SI: variants seen among roughly 807,000 people sequenced by gnomAD.
SI encodes the protein sucrase-isomaltase, intestinal.
In SI, 235 loss-of-function variants were observed where a neutral mutation model predicts 253.3. That is an observed-to-expected ratio of 0.93 (90% CI 0.83 to 1.03). The LOEUF (loss-of-function observed/expected upper bound fraction) is 1.03, where lower values mean the gene tolerates loss of function less well. Among genes scored for constraint, SI ranks in the 50% least tolerant of loss-of-function variants. The pLI is 0.00. For synonymous variants in SI, 819 were observed against 712.0 expected, an observed-to-expected ratio of 1.15 and a Z score of -2.39; for missense variants, 2,442 against 2,211.1, an observed-to-expected ratio of 1.10 and a Z score of -2.09.
At chr3:165,026,381 A>G (rs1369264756) in intron 25 of SI, among the ~76,000 whole-genome samples, 2 of 151,476 alleles carry the variant, frequency 1.3e-5, no homozygotes, top group African/African-American at 4.8e-5. Flanking sequence ...ACACAGTAAT[A>G]GTGGAGGACT....
chr3:165,046,080 C>T (rs1204280696), intron 16 of SI, among the ~76,000 whole-genome samples: 1 of 151,954 alleles, frequency 6.6e-6, no homozygotes, highest in Non-Finnish European at 1.5e-5. Context: ...ATCCACCTAC[C>T]TCGGCTTCTC....
intron 16 of SI, 149 bp downstream of exon 16, chr3:165,046,689 ATTC>A: frequency 1.6e-6 from 1 of 627,790 alleles, no homozygotes; most frequent in Non-Finnish European, 2.7e-6. Context: ...TACCATCTGT[ATTC>A]TTATTTTCCT....
At chr3:164,982,660 A>G (rs1717248093) in intron 46 of SI, among the ~76,000 whole-genome samples, 1 of 152,022 alleles carries the variant, frequency 6.6e-6, no homozygotes, top group African/African-American at 2.4e-5. Flanking sequence ...GGATTCAGTC[A>G]CCAAATATGC....
At chr3:165,080,116 T>C (rs1715251476), upstream of SI, among the ~76,000 whole-genome samples, 1 of 152,006 alleles carries the variant, frequency 6.6e-6, no homozygotes, top group Admixed American at 6.6e-5. Flanking sequence ...AATAGCAAAC[T>C]ACTCAGCAAT....
intron 25 of SI, among the ~76,000 whole-genome samples, chr3:165,027,107 G>T (rs1662129237): frequency 6.6e-6 from 1 of 151,136 alleles, no homozygotes; most frequent in South Asian, 2.1e-4. Context: ...GTCCAAATAA[G>T]CTCAATTAGA....
chr3:165,035,525 AAAAT>A (rs1040092962), intron 22 of SI, among the ~76,000 whole-genome samples: 6 of 151,620 alleles, frequency 4.0e-5, no homozygotes, highest in African/African-American at 1.4e-4. Flanking sequence ...CACATTTTCA[AAAAT>A]AAATAAATAT....
Position 165,039,091 on chromosome 3 carries a change from T to C in SI, c.2288A>G (p.Tyr763Cys). The change falls in exon 20 of 48, where the codon TAT becomes TGT. Residue 763 changes from tyrosine to cysteine, a missense_variant. Tyr to Cys is a radical substitution (Grantham distance 194, BLOSUM62 -2). Transcript: ENST00000264382. ...VSAYIPDAIW[Y>C]DYESGAKRPW... is the part of the protein sequence containing the mutation. ...AAGGTTACTTACAGATTCATAATCATACCAAATAGCATCAGGGATGTAGGC... is the reference window on the plus strand; with the variant it reads ...AAGGTTACTTACAGATTCATAATCACACCAAATAGCATCAGGGATGTAGGC... 6.3e-7 allele frequency: 1 copy of C among 1,591,168 alleles called. No individual in the cohort carries two copies. Among genetic ancestry groups the C allele is most frequent in the Non-Finnish European group, 8.6e-7 (1 of 1,160,876 alleles).
At chr3:165,056,419 A>C (rs1713696970) in intron 12 of SI, among the ~76,000 whole-genome samples, 1 of 152,140 alleles carries the variant, frequency 6.6e-6, no homozygotes, top group South Asian at 2.1e-4. Flanking sequence ...CTACCCATAC[A>C]CAAAGAAAGT....
chr3:165,086,221 T>G, the SI span, among the ~76,000 whole-genome samples: 1 of 151,898 alleles, frequency 6.6e-6, no homozygotes, highest in Non-Finnish European at 1.5e-5. Context: ...GCCACTGCAC[T>G]CCAGCCTGGA....
the SI span, among the ~76,000 whole-genome samples, chr3:165,087,580 T>C: frequency 6.6e-6 from 1 of 152,120 alleles, no homozygotes; most frequent in African/African-American, 2.4e-5. Context: ...GCAACAGCAA[T>C]ATCCAAACCC....
chr3:165,024,259 G>T (rs1463600589), intron 25 of SI, among the ~76,000 whole-genome samples: 1 of 151,132 alleles, frequency 6.6e-6, no homozygotes, highest in African/African-American at 2.4e-5. Context: ...ATTACATCCT[G>T]ACCTGGATTT....
At chr3:164,998,873 A>T (rs757734190) in intron 37 of SI, among the ~76,000 whole-genome samples, 200 bp from the exon 38 acceptor site, 2 of 151,842 alleles carry the variant, frequency 1.3e-5, no homozygotes, top group Non-Finnish European at 2.9e-5. Flanking sequence ...TTTCCCTTCC[A>T]ACATTTACCA....
At chr3:165,030,183 T>C (rs1035212414) in intron 25 of SI, among the ~76,000 whole-genome samples, 2 of 150,862 alleles carry the variant, frequency 1.3e-5, no homozygotes, top group African/African-American at 4.9e-5. Context: ...GCAAGAGGAA[T>C]GTTTTACAAT....
At chr3:165,073,268 G>C (rs965957760) in intron 3 of SI, among the ~76,000 whole-genome samples, 7 of 134,160 alleles carry the variant, frequency 5.2e-5, no homozygotes, top group Non-Finnish European at 9.5e-5. Context: ...ACGGAGTCTC[G>C]CTCTGTCACC....
upstream of SI, among the ~76,000 whole-genome samples, chr3:165,082,312 G>T (rs1715363199): frequency 6.6e-6 from 1 of 151,788 alleles, no homozygotes; most frequent in African/African-American, 2.4e-5. Flanking sequence ...CTATTTATTT[G>T]CTGCTACTGG....
At chr3:165,073,735 T>C (rs1007271678) in intron 3 of SI, among the ~76,000 whole-genome samples, 5 of 152,020 alleles carry the variant, frequency 3.3e-5, no homozygotes, top group Admixed American at 3.3e-4. Flanking sequence ...AACATGGTAA[T>C]AAAAATAATG....
intron 7 of SI, among the ~76,000 whole-genome samples, chr3:165,063,922 T>C (rs1714098400): frequency 6.6e-6 from 1 of 151,024 alleles, no homozygotes; most frequent in African/African-American, 2.4e-5. Flanking sequence ...TACAAAAAAT[T>C]AGCTGGGGGT....
At chr3:165,034,547 G>A (rs1429704269) in intron 22 of SI, among the ~76,000 whole-genome samples, 2 of 151,986 alleles carry the variant, frequency 1.3e-5, no homozygotes, top group Non-Finnish European at 2.9e-5. Context: ...ATAAGCCAGA[G>A]AATAGGTTTG....
At chr3:165,056,869 G>A (rs1713717492) in intron 12 of SI, among the ~76,000 whole-genome samples, 1 of 151,982 alleles carries the variant, frequency 6.6e-6, no homozygotes, top group African/African-American at 2.4e-5. Context: ...ATGAGGATGG[G>A]CAAAAACAAG....
Sources: allele counts gnomAD v4.1 joint callset (sites outside exome capture counted in the v4.1 genomes callset), GRCh38; gene constraint gnomAD v4.1.1; transcripts MANE v1.5; gene names NCBI Gene and HGNC (gene_info 2026-07-23, HGNC 2026-07-21).